The following MCC variants were observed in gnomAD, a reference collection of about 807,000 sequenced individuals.
The protein encoded by MCC is MCC regulator of Wnt signaling pathway, also known as colorectal mutant cancer protein.
In MCC, 90 loss-of-function variants were observed where a neutral mutation model predicts 116.2. The ratio of observed to expected loss-of-function variants is 0.77; its 90% CI spans 0.65 to 0.92. The LOEUF is 0.92. Ranked by LOEUF, MCC falls within the 40% of genes least tolerant of loss-of-function variation. The probability of loss-of-function intolerance (pLI) is 0.00; values close to 1 mark genes in which losing one functional copy is unlikely to be tolerated. For synonymous variants in MCC, 578 were observed against 510.5 expected (o/e 1.13, Z -1.78); for missense variants, 1,516 against 1,312.2 (o/e 1.16, Z -2.40).
intron 3 of MCC, among the ~76,000 whole-genome samples, chr5:113,275,970 G>T (rs4089635): frequency 0.38 from 49,602 of 130,090 alleles, 9,732 homozygotes; most frequent in African/African-American, 0.56. Context: ...CACTTGTTTT[G>T]TTTTTTTTTT....
intron 2 of MCC, among the ~76,000 whole-genome samples, chr5:113,371,382 A>G (rs1768833201): frequency 6.6e-6 from 1 of 152,234 alleles, no homozygotes; most frequent in African/African-American, 2.4e-5. Flanking sequence ...ATTAAATTAT[A>G]TTTAACAGAC....
At chr5:113,327,561 A>AAAAAAATATATATAT (rs1480996383) in intron 3 of MCC, among the ~76,000 whole-genome samples, 3 of 80,562 alleles carry the variant, frequency 3.7e-5, no homozygotes, top group African/African-American at 1.5e-4. Flanking sequence ...AAAAAAAAAA[A>AAAAAAATATATATAT]ATATATATAT....
At chr5:113,183,807 T>G (rs1761748761) in intron 3 of MCC, among the ~76,000 whole-genome samples, 1 of 152,144 alleles carries the variant, frequency 6.6e-6, no homozygotes, top group Non-Finnish European at 1.5e-5. Context: ...AGGTTCTGTC[T>G]GAAGCAAGAC....
At chr5:113,459,078 T>C (rs1771663391) in intron 1 of MCC, among the ~76,000 whole-genome samples, 2 of 147,758 alleles carry the variant, frequency 1.4e-5, no homozygotes, top group South Asian at 4.2e-4. Flanking sequence ...GGCTGGAACC[T>C]GGATGCTCTG....
chr5:113,287,049 A>G (rs1438482013), intron 3 of MCC, among the ~76,000 whole-genome samples: 1 of 152,142 alleles, frequency 6.6e-6, no homozygotes, highest in Non-Finnish European at 1.5e-5. Context: ...AGAGTGAAAG[A>G]TATCACTGTT....
chr5:113,216,645 T>G (rs1047105078), intron 3 of MCC, among the ~76,000 whole-genome samples: 1 of 152,232 alleles, frequency 6.6e-6, no homozygotes, highest in Non-Finnish European at 1.5e-5. Flanking sequence ...CCTGACAAAA[T>G]GACTATATTT....
chr5:113,417,746 T>C (rs181521152), intron 1 of MCC, among the ~76,000 whole-genome samples: 10 of 152,130 alleles, frequency 6.6e-5, no homozygotes, highest in African/African-American at 2.4e-4. Flanking sequence ...CTGGGCAACA[T>C]GGTGAAACCC....
chr5:113,409,613 A>G (rs1769925534), intron 1 of MCC, among the ~76,000 whole-genome samples: 1 of 152,162 alleles, frequency 6.6e-6, no homozygotes, highest in Non-Finnish European at 1.5e-5. Context: ...TGGCCTCCCA[A>G]AGTGGTGGGA....
intron 3 of MCC, among the ~76,000 whole-genome samples, chr5:113,184,472 G>GTTT (rs200787776): frequency 0.012 from 1,479 of 122,944 alleles, 27 homozygotes; most frequent in African/African-American, 0.014. Context: ...TTCTTTCTTC[G>GTTT]TTTTTTGTTT....
intron 3 of MCC, among the ~76,000 whole-genome samples, chr5:113,266,541 C>T (rs1765424169): frequency 6.6e-6 from 1 of 152,126 alleles, no homozygotes; most frequent in Non-Finnish European, 1.5e-5. Flanking sequence ...TACTCCCTTA[C>T]TTTTTTTCTT....
At chr5:113,235,162 T>G (rs1385827477) in intron 3 of MCC, among the ~76,000 whole-genome samples, 1 of 152,194 alleles carries the variant, frequency 6.6e-6, no homozygotes, top group Non-Finnish European at 1.5e-5. Context: ...TGCTCCACAA[T>G]AAAAATGGGC....
At chr5:113,245,290 C>CAAA (rs560902639) in intron 3 of MCC, among the ~76,000 whole-genome samples, 19 of 90,886 alleles carry the variant, frequency 2.1e-4, no homozygotes, top group African/African-American at 5.4e-4. Context: ...AACTCCATCT[C>CAAA]AAAAAAAAAA....
At chr5:113,262,542 A>C (rs1339894661) in intron 3 of MCC, among the ~76,000 whole-genome samples, 2 of 152,180 alleles carry the variant, frequency 1.3e-5, no homozygotes, top group East Asian at 3.8e-4. Context: ...TTATGTGCAA[A>C]ACGTTTATAC....
At chr5:113,190,233 T>C (rs1440587724) in intron 3 of MCC, among the ~76,000 whole-genome samples, 1 of 152,220 alleles carries the variant, frequency 6.6e-6, no homozygotes, top group East Asian at 1.9e-4. Flanking sequence ...TGTCTTTTGC[T>C]TGTGTTCACA....
chr5:113,333,908 CATT>C (rs1465680143), intron 3 of MCC, among the ~76,000 whole-genome samples: 1 of 46,326 alleles, frequency 2.2e-5, no homozygotes, highest in East Asian at 1.0e-3. Context: ...TATATAAATA[CATT>C]ATAAATTTAT....
At chr5:113,408,589 A>G (rs1769899293) in intron 1 of MCC, among the ~76,000 whole-genome samples, 1 of 152,206 alleles carries the variant, frequency 6.6e-6, no homozygotes, top group African/African-American at 2.4e-5. Flanking sequence ...GACCAGCAGC[A>G]TCAGCATGAC....
intron 6 of MCC, among the ~76,000 whole-genome samples, chr5:113,113,937 T>C (rs568852696): frequency 2.2e-4 from 33 of 151,120 alleles, no homozygotes; most frequent in Non-Finnish European, 4.1e-4. Flanking sequence ...TGAATATGGA[T>C]TGTGGACTGT....
At chr5:113,183,645 G>C (rs1286074862) in intron 3 of MCC, among the ~76,000 whole-genome samples, 1 of 152,158 alleles carries the variant, frequency 6.6e-6, no homozygotes, top group Non-Finnish European at 1.5e-5. Context: ...AGCAGGATGA[G>C]AGTCTCATAC....
At chr5:113,401,982 T>C (rs1481675694) in intron 1 of MCC, among the ~76,000 whole-genome samples, 1 of 151,610 alleles carries the variant, frequency 6.6e-6, no homozygotes, top group Non-Finnish European at 1.5e-5. Flanking sequence ...CCCAAGTAGG[T>C]AGGACTATGG....
Sources: gnomAD v4.1 joint callset for allele counts (sites outside exome capture counted in the v4.1 genomes callset) on GRCh38, gnomAD v4.1.1 for gene constraint, MANE v1.5 for transcripts, NCBI Gene and HGNC (gene_info 2026-07-23, HGNC 2026-07-21) for gene names.